The following KCNA3 variants were observed in gnomAD, a reference collection of about 807,000 sequenced individuals.
KCNA3 encodes the protein RP11-284N8.3.
Under a neutral mutation model 34.3 loss-of-function variants are expected in KCNA3, and 18 were observed. The ratio of observed to expected loss-of-function variants is 0.52; its 90% CI spans 0.36 to 0.78. The LOEUF (loss-of-function observed/expected upper bound fraction) is 0.78, where lower values mean the gene tolerates loss of function less well. Among genes scored for constraint, KCNA3 ranks in the 30% least tolerant of loss-of-function variants. KCNA3 has a pLI of 0.00. For missense variants in KCNA3, 587 were observed against 802.5 expected (o/e 0.73, Z 3.24); for synonymous variants, 324 against 351.7 (o/e 0.92, Z 0.88).
At position 110,674,180 on chromosome 1, in the gene KCNA3, G is replaced by C; in HGVS notation, c.630C>G (p.Pro210=). Residue 210 remains proline (P), a synonymous_variant, in exon 1 of 1, where the codon CCC becomes CCG. Transcript: ENST00000369769. The surrounding 1 kb of genome is among the most constrained non-coding windows in gnomAD (Gnocchi z 6.4). ...DEGFLREEER[P]LPRRDFQRQV... ...GGCGCTGGAAGTCGCGGCGGGGCAA[G>C]GGCCGCTCCTCCTCCCGCAGGAAGC... 2 of 1,612,008 alleles carry C rather than the reference G, an allele frequency of 1.2e-6. No individual in the cohort carries two copies. The highest frequency in any genetic ancestry group is 1.3e-5 in the African/African-American group (1 of 75,030).
chr1:110,666,889 C>T, the KCNA3 span, among the ~76,000 whole-genome samples: 2 of 152,004 alleles, frequency 1.3e-5, no homozygotes, highest in Non-Finnish European at 2.9e-5. Flanking sequence ...AATAAACCTG[C>T]ATTTTAAGTA....
At chr1:110,654,259 ATTC>A in the KCNA3 span, 1 of 152,214 alleles carries the variant, frequency 6.6e-6, no homozygotes, top group South Asian at 2.1e-4. Flanking sequence ...TTGATAATCA[ATTC>A]TTTTTGAATA....
At chr1:110,670,849 C>G (rs1651861129), downstream of KCNA3, among the ~76,000 whole-genome samples, 1 of 152,148 alleles carries the variant, frequency 6.6e-6, no homozygotes, top group Admixed American at 6.5e-5. Context: ...TTTCCTCTCT[C>G]TTCAATGCAT....
Position 110,674,813 on chromosome 1 carries a change from G to T in KCNA3, c.-4C>A. The T allele has an allele frequency of 7.7e-7, 1 of 1,307,094 alleles. No homozygotes were observed. The highest frequency in any genetic ancestry group is 9.7e-7 in the Non-Finnish European group (1 of 1,032,744). 81.0% of individuals were successfully genotyped at this position (1,307,094 alleles called of 1,614,324 possible). ...GAAGGCTGAGGCGCTCGTCCATGCG[G>T]CGGGGAAGAGGCGGCAGCGGTGAGG... On this transcript the variant is annotated 5_prime_UTR_variant, in exon 1 of 1. Transcript: ENST00000369769. This position sits in a 1 kb window ranked among gnomAD's most constrained non-coding sequence, Gnocchi z 6.4.
downstream of KCNA3, among the ~76,000 whole-genome samples, chr1:110,668,615 T>C (rs1415996914): frequency 4.6e-5 from 7 of 152,298 alleles, no homozygotes; most frequent in African/African-American, 1.7e-4. Flanking sequence ...CTTCCTCCTA[T>C]GCGTAGGTGT....
chr1:110,674,656 C>G lies in KCNA3; in HGVS notation c.154G>C (p.Asp52His). The change falls in exon 1 of 1, where the codon GAC (aspartate) becomes CAC (histidine). Residue 52 changes from aspartate to histidine, a missense_variant. Around this residue, in one of 7 missense-constraint regions of KCNA3, gnomAD observed 341 missense variants for 355.4 expected, o/e 0.96. Transcript: ENST00000369769. This position sits in a 1 kb window ranked among gnomAD's most constrained non-coding sequence, Gnocchi z 6.4. ...EPAAGRELPP[D>H]MTVVPGDHLL... ...TGGTCCCCGGGCACCACGGTCATGTCGGGCGGCAGCTCGCGGCCTGCGGCG... is the reference window on the plus strand; with the variant it reads ...TGGTCCCCGGGCACCACGGTCATGTGGGGCGGCAGCTCGCGGCCTGCGGCG... 6.6e-7 allele frequency: 1 copy of G among 1,524,554 alleles called. No homozygotes were observed. Among genetic ancestry groups the G allele is most frequent in the Non-Finnish European group, 8.7e-7 (1 of 1,147,094 alleles). 94.4% of individuals were successfully genotyped at this position (1,524,554 alleles called of 1,614,324 possible).
the KCNA3 span, chr1:110,655,751 A>G: frequency 2.0e-5 from 3 of 152,312 alleles, no homozygotes; most frequent in South Asian, 6.2e-4. Flanking sequence ...TAATCTCAGT[A>G]TGACAAAATA....
rs1396459570 is a variant in KCNA3, at chr1:110,674,329, A to G, written c.481T>C (p.Tyr161His). 6.2e-7 allele frequency: 1 copy of G among 1,614,154 alleles called. No homozygotes were observed. The highest frequency in any genetic ancestry group is 8.5e-7 in the Non-Finnish European group (1 of 1,180,000). ...RNRPSFDAIL[Y>H]YYQSGGRIRR... ...ATGCGGCCCCCGGACTGATAGTAGTAGAGGATGGCGTCGAAGCTGGGCCGG... is the reference window on the plus strand; with the variant it reads ...ATGCGGCCCCCGGACTGATAGTAGTGGAGGATGGCGTCGAAGCTGGGCCGG... The change falls in exon 1 of 1, where the codon TAC becomes CAC. Residue 161 changes from tyrosine to histidine, a missense_variant. Around this residue, in one of 7 missense-constraint regions of KCNA3, gnomAD observed 341 missense variants for 355.4 expected, o/e 0.96. Coordinates refer to ENST00000369769, the MANE Select transcript of KCNA3 (RefSeq NM_002232.5). The surrounding 1 kb of genome is among the most constrained non-coding windows in gnomAD (Gnocchi z 6.4).
At chr1:110,668,871 T>C (rs1406010408), downstream of KCNA3, among the ~76,000 whole-genome samples, 1 of 152,096 alleles carries the variant, frequency 6.6e-6, no homozygotes, top group Non-Finnish European at 1.5e-5. Flanking sequence ...AGCTCAACAG[T>C]GAAGGTTGTA....
At chr1:110,671,503 T>G (rs1651890240), downstream of KCNA3, among the ~76,000 whole-genome samples, 1 of 152,194 alleles carries the variant, frequency 6.6e-6, no homozygotes, top group Non-Finnish European at 1.5e-5. Flanking sequence ...CTGGCAACCC[T>G]TGGCATATGG....
Position 110,674,494 on chromosome 1 carries a change from C to G in KCNA3, c.316G>C (p.Val106Leu). 1 of 1,613,598 alleles carries G rather than the reference C, an allele frequency of 6.2e-7. No individual in the cohort carries two copies. The highest frequency in any genetic ancestry group is 8.5e-7 in the Non-Finnish European group (1 of 1,179,870). ...CGCAGCCCGGAGATGTTGATGACCACGCGCTCCCCGCAGCAGTCCTGCTCG... is the reference window on the plus strand; with the variant it reads ...CGCAGCCCGGAGATGTTGATGACCAGGCGCTCCCCGCAGCAGTCCTGCTCG... Reference protein sequence around the residue: ...AGEQDCCGERVVINISGLRFE... With the variant: ...AGEQDCCGERLVINISGLRFE... Residue 106 changes from valine to leucine, a missense_variant, in exon 1 of 1, where the codon GTG (valine) becomes CTG (leucine). Around this residue, in one of 7 missense-constraint regions of KCNA3, gnomAD observed 341 missense variants for 355.4 expected, o/e 0.96. Transcript: ENST00000369769. This position sits in a 1 kb window ranked among gnomAD's most constrained non-coding sequence, Gnocchi z 6.4.
At chr1:110,663,434 T>G in the KCNA3 span, among the ~76,000 whole-genome samples, 2 of 152,204 alleles carry the variant, frequency 1.3e-5, no homozygotes, top group African/African-American at 4.8e-5. Context: ...TCAAATTTGT[T>G]GACACATTTG....
At chr1:110,662,135 A>AAAAAAAG in the KCNA3 span, among the ~76,000 whole-genome samples, 1 of 143,268 alleles carries the variant, frequency 7.0e-6, no homozygotes, top group African/African-American at 2.7e-5. Context: ...AAAAAAAAAA[A>AAAAAAAG]ATTCAGAATG....
Position 110,674,534 on chromosome 1 carries a change from T to C in KCNA3, c.276A>G (p.Ser92=), listed in dbSNP as rs1473627814. 1 of 1,608,542 alleles carries C rather than the reference T, an allele frequency of 6.2e-7. No individual in the cohort carries two copies. The highest frequency in any genetic ancestry group is 1.7e-5 in the Admixed American group (1 of 59,630). Residue 92 remains serine (S), a synonymous_variant, in exon 1 of 1, where the codon TCA becomes TCG. Coordinates refer to ENST00000369769, the MANE Select transcript of KCNA3 (RefSeq NM_002232.5). The surrounding 1 kb of genome is among the most constrained non-coding windows in gnomAD (Gnocchi z 6.4). ...AGTCCTGCTCGCCCGCGGCCGGCAG[T>C]GAGGGCGGCAGCGGCTCGTAGCGGT... ...GCDRYEPLPP[S]LPAAGEQDCC...
the KCNA3 span, among the ~76,000 whole-genome samples, chr1:110,665,290 T>C: frequency 6.6e-6 from 1 of 152,190 alleles, no homozygotes; most frequent in Non-Finnish European, 1.5e-5. Context: ...AAGATAACGA[T>C]GGTTTAGATC....
the KCNA3 span, among the ~76,000 whole-genome samples, chr1:110,661,528 G>A: frequency 6.6e-6 from 1 of 152,208 alleles, no homozygotes; most frequent in Non-Finnish European, 1.5e-5. Context: ...TAACATGAAT[G>A]ACCTAGCATC....
the KCNA3 span, among the ~76,000 whole-genome samples, chr1:110,662,151 A>G: frequency 6.7e-6 from 1 of 149,408 alleles, no homozygotes; most frequent in Non-Finnish European, 1.5e-5. Context: ...GAATGTCTAT[A>G]TTAGTGGTTA....
At chr1:110,660,113 A>G in the KCNA3 span, among the ~76,000 whole-genome samples, 3 of 152,212 alleles carry the variant, frequency 2.0e-5, no homozygotes, top group Non-Finnish European at 2.9e-5. Flanking sequence ...TGTTCCATTC[A>G]TTATATATTT....
the KCNA3 span, among the ~76,000 whole-genome samples, chr1:110,658,087 C>T: frequency 3.9e-3 from 587 of 152,266 alleles, 6 homozygotes; most frequent in African/African-American, 0.013. Flanking sequence ...AAAATTTTGA[C>T]ACAAAGAAAT....
Sources: allele counts gnomAD v4.1 joint callset (sites outside exome capture counted in the v4.1 genomes callset), GRCh38; gene constraint gnomAD v4.1.1; regional missense constraint gnomAD v4.1.1; non-coding constraint Gnocchi (gnomAD v3.1); transcripts MANE v1.5; gene names NCBI Gene and HGNC (gene_info 2026-07-23, HGNC 2026-07-21).